The following HS6ST2 variants were observed in gnomAD, a reference collection of about 807,000 sequenced individuals.
The protein encoded by HS6ST2 is heparan-sulfate 6-O-sulfotransferase 2.
Under a neutral mutation model 33.0 loss-of-function variants are expected in HS6ST2, and 17 were observed. That is an observed-to-expected ratio of 0.52 (90% CI 0.35 to 0.77). The LOEUF (loss-of-function observed/expected upper bound fraction) is 0.77, where lower values mean the gene tolerates loss of function less well. Ranked by LOEUF, HS6ST2 falls within the 30% of genes least tolerant of loss-of-function variation. The pLI is 0.01. For missense variants in HS6ST2, 519 were observed against 551.7 expected (o/e 0.94, Z 0.59); for synonymous variants, 248 against 237.1 (o/e 1.05, Z -0.42).
intron 3 of HS6ST2, among the ~76,000 whole-genome samples, chrX:132,686,471 G>C (rs750645079): frequency 3.9e-4 from 44 of 111,515 alleles, no homozygotes; most frequent in Non-Finnish European, 7.5e-4. Context: ...CTTGTCTGTG[G>C]AGTCAGAAAA....
At chrX:132,826,437 C>T (rs1344118324) in intron 2 of HS6ST2, among the ~76,000 whole-genome samples, 1 of 110,880 alleles carries the variant, frequency 9.0e-6, no homozygotes, top group Non-Finnish European at 1.9e-5. Context: ...AGACTTAGAA[C>T]AAAAACAAGT....
intron 3 of HS6ST2, among the ~76,000 whole-genome samples, chrX:132,704,191 C>G (rs764180542): frequency 8.9e-6 from 1 of 112,548 alleles, no homozygotes; most frequent in Admixed American, 9.4e-5. Flanking sequence ...AGTACATCAT[C>G]TTTCCCCTTG....
chrX:132,660,408 G>A (rs757462617), intron 4 of HS6ST2, among the ~76,000 whole-genome samples: 1 of 111,663 alleles, frequency 9.0e-6, no homozygotes. Context: ...AGCATTTGCT[G>A]TCTTAACCAT....
At chrX:132,687,237 C>G (rs894518236) in intron 3 of HS6ST2, among the ~76,000 whole-genome samples, 2 of 111,263 alleles carry the variant, frequency 1.8e-5, no homozygotes, top group African/African-American at 6.5e-5. Flanking sequence ...GACCAGGTGT[C>G]TTGGGGAACT....
chrX:132,823,618 G>A (rs2065482338), intron 2 of HS6ST2, among the ~76,000 whole-genome samples: 1 of 106,730 alleles, frequency 9.4e-6, no homozygotes, highest in Non-Finnish European at 1.9e-5. Context: ...CACTTTGGGA[G>A]GCCAAAGCTG....
At position 132,910,006 on chromosome X, in the gene HS6ST2, C is replaced by T. The variant is rs192562581; in HGVS notation, c.947+46802G>A. ...GAGGACATCAGACGCCCGCACCCATCCTGCTTAAACTACATTCTTCACTGG... is the reference window on the plus strand; with the variant it reads ...GAGGACATCAGACGCCCGCACCCATTCTGCTTAAACTACATTCTTCACTGG... On this transcript the variant is annotated intron_variant, in intron 2 of 4. Coordinates refer to ENST00000370833, the MANE Select transcript of HS6ST2 (RefSeq NM_001394073.1). Among the ~76,000 whole-genome samples, 113 of 111,019 alleles carry T rather than the reference C, an allele frequency of 1.0e-3. 1 individual carries two copies. Among genetic ancestry groups the T allele is most frequent in the Middle Eastern group, 9.1e-3 (2 of 219 alleles).
chrX:132,684,027 T>TA (rs1376580353), intron 3 of HS6ST2, among the ~76,000 whole-genome samples: 3 of 109,571 alleles, frequency 2.7e-5, no homozygotes, highest in African/African-American at 1.0e-4. Context: ...ATGCTGGGGT[T>TA]AGCTCTGAGT....
chrX:132,812,447 A>AATAATAATAATAAT (rs2065357843), intron 2 of HS6ST2, among the ~76,000 whole-genome samples: 3 of 53,353 alleles, frequency 5.6e-5, no homozygotes, highest in African/African-American at 1.8e-4. Flanking sequence ...ATAATAATAA[A>AATAATAATAATAAT]ATAATAATAA....
At chrX:132,729,524 CT>C (rs1288536175) in intron 2 of HS6ST2, among the ~76,000 whole-genome samples, 1 of 111,365 alleles carries the variant, frequency 9.0e-6, no homozygotes. Flanking sequence ...CTGTGTGAGG[CT>C]GGATTTTCTT....
intron 2 of HS6ST2, among the ~76,000 whole-genome samples, chrX:132,825,169 T>G (rs2065505222): frequency 9.0e-6 from 1 of 111,701 alleles, no homozygotes; most frequent in African/African-American, 3.3e-5. Flanking sequence ...GCCTCTGTTT[T>G]CTGTTCTATA....
chrX:132,833,963 T>C (rs899206128), intron 2 of HS6ST2, among the ~76,000 whole-genome samples: 9 of 110,678 alleles, frequency 8.1e-5, no homozygotes, highest in Non-Finnish European at 1.9e-5. Context: ...ATTTACATGC[T>C]GTTTATATGC....
At chrX:132,780,683 T>C (rs2065009952) in intron 2 of HS6ST2, among the ~76,000 whole-genome samples, 1 of 110,781 alleles carries the variant, frequency 9.0e-6, no homozygotes, top group African/African-American at 3.3e-5. Context: ...CCTAATGGAG[T>C]TGTTGTGAGA....
intron 2 of HS6ST2, among the ~76,000 whole-genome samples, chrX:132,837,183 A>G (rs1355554081): frequency 8.9e-6 from 1 of 112,260 alleles, no homozygotes; most frequent in Non-Finnish European, 1.9e-5. Flanking sequence ...ATCTGGCTTC[A>G]TAGATCAACA....
intron 4 of HS6ST2, chrX:132,667,628 G>T (rs2063818932): frequency 8.9e-6 from 1 of 112,159 alleles, no homozygotes; most frequent in South Asian, 3.7e-4. Flanking sequence ...AGAAACAAGG[G>T]AAGGCCCCTT....
At chrX:132,901,973 T>C (rs1206151740) in intron 2 of HS6ST2, among the ~76,000 whole-genome samples, 2 of 111,013 alleles carry the variant, frequency 1.8e-5, no homozygotes, top group African/African-American at 6.6e-5. Flanking sequence ...GATTTAATGT[T>C]GTTGAAGGAG....
At chrX:132,781,407 G>A (rs749341076) in intron 2 of HS6ST2, among the ~76,000 whole-genome samples, 1 of 111,591 alleles carries the variant, frequency 9.0e-6, no homozygotes, top group South Asian at 3.8e-4. Context: ...GTTGAAGGCA[G>A]GCCGAGATGG....
chrX:132,701,588 C>A (rs1420312765), intron 3 of HS6ST2, among the ~76,000 whole-genome samples: 1 of 111,766 alleles, frequency 8.9e-6, no homozygotes, highest in Non-Finnish European at 1.9e-5. Flanking sequence ...TGCACCTTCT[C>A]CAAACCCACC....
At chrX:132,833,980 A>C (rs2065617810) in intron 2 of HS6ST2, among the ~76,000 whole-genome samples, 1 of 110,411 alleles carries the variant, frequency 9.1e-6, no homozygotes, top group African/African-American at 3.3e-5. Context: ...ATGCACAATC[A>C]CATTCTATTA....
At chrX:132,808,279 C>T (rs1248731313) in intron 2 of HS6ST2, among the ~76,000 whole-genome samples, 3 of 112,190 alleles carry the variant, frequency 2.7e-5, no homozygotes, top group African/African-American at 9.7e-5. Context: ...ATTAACATGC[C>T]TTTCTTCCTA....
Sources: allele counts gnomAD v4.1 joint callset (sites outside exome capture counted in the v4.1 genomes callset), GRCh38; gene constraint gnomAD v4.1.1; transcripts MANE v1.5; gene names NCBI Gene and HGNC (gene_info 2026-07-23, HGNC 2026-07-21).